Variants in HMCN1 observed in about 807,000 individuals in gnomAD.
HMCN1 encodes the protein hemicentin 1, also known as hemicentin-1.
A neutral mutation model predicts 625.9 loss-of-function variants in HMCN1; 321 were observed. The ratio of observed to expected loss-of-function variants is 0.51; its 90% CI spans 0.47 to 0.56. The LOEUF (loss-of-function observed/expected upper bound fraction) is 0.56. HMCN1 is among the 20% of genes least tolerant of loss of function. HMCN1 has a pLI of 0.00. For synonymous variants in HMCN1, 2,425 were observed against 2,417.6 expected, an observed-to-expected ratio of 1.00 and a Z score of -0.09; for missense variants, 6,588 against 6,887.3, an observed-to-expected ratio of 0.96 and a Z score of 1.54.
At position 186,133,488 on chromosome 1, in the gene HMCN1, C is replaced by T. The variant is rs117687035; in HGVS notation, c.13312+1079C>T. Among the ~76,000 whole-genome samples, 1,383 of 152,120 alleles carry T rather than the reference C, an allele frequency of 9.1e-3. 13 individuals are homozygous for T. Among genetic ancestry groups the T allele is most frequent in the South Asian group, 0.028 (135 of 4,820 alleles). ...ATAATTGGATAAACATAAAATAATC[C>T]AATGGCCCACTGGAGAGTTTACAGA... On this transcript the variant is annotated intron_variant, in intron 86 of 106. Transcript: ENST00000271588.
At chr1:186,024,329 C>T (rs1654919715) in intron 36 of HMCN1, among the ~76,000 whole-genome samples, 1 of 152,154 alleles carries the variant, frequency 6.6e-6, no homozygotes, top group African/African-American at 2.4e-5. Flanking sequence ...CTTCCTAGTG[C>T]TCTTTACAGC....
At position 186,154,090 on chromosome 1, in the gene HMCN1, G is replaced by A. The variant is rs1571428463; in HGVS notation, c.15256+103G>A. ...AGGCCTACATCTAACATGATATCAG[G>A]TTTTTCATGTGTGTTGTCTATGCCT... is the stretch of plus-strand genomic sequence containing the variant. On this transcript the variant is annotated intron_variant, in intron 97 of 106. Transcript: ENST00000271588. The A allele has an allele frequency of 4.2e-5, 39 of 932,032 alleles. 1 individual carries two copies. The South Asian group carries it at 5.0e-4, about 12-fold the overall frequency. 57.7% of individuals were successfully genotyped at this position (932,032 alleles called of 1,614,324 possible). A position where few individuals can be genotyped will look rare whatever the true frequency, so the allele number is the denominator to read the frequency against.
chr1:185,933,873 T>C, intron 11 of HMCN1, 49 bp downstream of exon 11: 4 of 1,571,530 alleles, frequency 2.5e-6, no homozygotes, highest in Non-Finnish European at 2.6e-6. Context: ...CTGTCCTCTA[T>C]TTTTAAAATT....
chr1:185,847,429 A>G (rs1429536917), intron 2 of HMCN1, among the ~76,000 whole-genome samples: 1 of 152,082 alleles, frequency 6.6e-6, no homozygotes, highest in Non-Finnish European at 1.5e-5. Flanking sequence ...CTTTTAACCT[A>G]TATCTCACCA....
At chr1:186,174,387 C>G (rs998884729) in intron 102 of HMCN1, 127 bp from the exon 103 acceptor site, 9 of 1,053,984 alleles carry the variant, frequency 8.5e-6, no homozygotes, top group Non-Finnish European at 1.3e-5. Flanking sequence ...AAGTTGTAAG[C>G]TGGTATGATC....
At position 186,016,360 on chromosome 1, in the gene HMCN1, A is replaced by G. The variant is rs186908070; in HGVS notation, c.5191+121A>G. On this transcript the variant is annotated intron_variant, in intron 32 of 106. Transcript: ENST00000271588. ...TAAAAGAAGGTATAGTCCTCTGTGC[A>G]ACTGTGGATTGCACATTACCAAGGG... 1.4e-3 allele frequency: 1,240 copies of G among 900,180 alleles called. 1 individual carries two copies. The highest frequency in any genetic ancestry group is 1.9e-3 in the Non-Finnish European group (1,122 of 586,338). 55.8% of individuals were successfully genotyped at this position (900,180 alleles called of 1,614,324 possible).
chr1:186,049,380 A>G (rs889659057), intron 42 of HMCN1, among the ~76,000 whole-genome samples: 5 of 151,856 alleles, frequency 3.3e-5, no homozygotes, highest in African/African-American at 1.2e-4. Flanking sequence ...AAGCATTCCC[A>G]TTTCCAGTAT....
At chr1:185,797,553 T>C (rs1658472431) in intron 1 of HMCN1, among the ~76,000 whole-genome samples, 1 of 152,346 alleles carries the variant, frequency 6.6e-6, no homozygotes, top group South Asian at 2.1e-4. Flanking sequence ...GCAGTTCTCC[T>C]ACCTTGGCCT....
intron 48 of HMCN1, among the ~76,000 whole-genome samples, chr1:186,063,098 A>ATATATC: frequency 8.0e-6 from 1 of 125,250 alleles, no homozygotes; most frequent in Admixed American, 8.2e-5. Flanking sequence ...ATATATATAT[A>ATATATC]TATATCACAT....
At chr1:185,918,289 C>A (rs559467596) in intron 6 of HMCN1, among the ~76,000 whole-genome samples, 38 of 152,252 alleles carry the variant, frequency 2.5e-4, no homozygotes, top group African/African-American at 8.9e-4. Context: ...AGTCCAAAGG[C>A]CGAAGAACCT....
chr1:185,932,005 C>A (rs1667575268), intron 10 of HMCN1, among the ~76,000 whole-genome samples: 1 of 152,140 alleles, frequency 6.6e-6, no homozygotes, highest in Non-Finnish European at 1.5e-5. Flanking sequence ...TTGAATATCA[C>A]ATATGTGTGA....
intron 1 of HMCN1, among the ~76,000 whole-genome samples, chr1:185,745,848 T>A (rs1176715274): frequency 6.6e-6 from 1 of 152,072 alleles, no homozygotes; most frequent in Non-Finnish European, 1.5e-5. Context: ...GCCATCGGAA[T>A]AAATGAGATC....
intron 31 of HMCN1, among the ~76,000 whole-genome samples, 180 bp from the exon 32 acceptor site, chr1:186,015,778 A>C (rs1654325514): frequency 6.6e-6 from 1 of 152,156 alleles, no homozygotes; most frequent in Admixed American, 6.6e-5. Flanking sequence ...TAATTAGGAC[A>C]GTTACAGTTT....
chr1:185,932,146 G>A (rs1251815664), intron 10 of HMCN1, among the ~76,000 whole-genome samples: 1 of 151,990 alleles, frequency 6.6e-6, no homozygotes, highest in Non-Finnish European at 1.5e-5. Context: ...TCCTTTACCT[G>A]TATTCTTTCC....
chr1:186,175,048 T>A (rs1652474954), intron 103 of HMCN1, among the ~76,000 whole-genome samples: 1 of 152,204 alleles, frequency 6.6e-6, no homozygotes, highest in Admixed American at 6.5e-5. Flanking sequence ...TGTGAGGTAT[T>A]AAAATAGGGA....
chr1:186,019,740 A>G (rs1654596934), intron 35 of HMCN1, 45 bp downstream of exon 35: 3 of 1,496,294 alleles, frequency 2.0e-6, no homozygotes, highest in East Asian at 2.3e-5. Context: ...AGCTACATAT[A>G]TCTTCCTGGA....
chr1:186,172,770 A>G (rs1344440111), intron 102 of HMCN1, among the ~76,000 whole-genome samples: 1 of 152,222 alleles, frequency 6.6e-6, no homozygotes, highest in African/African-American at 2.4e-5. Flanking sequence ...CAGGAGAAAG[A>G]AATAATTTAT....
At chr1:186,161,003 C>G (rs1027801495) in intron 97 of HMCN1, among the ~76,000 whole-genome samples, 15 of 152,078 alleles carry the variant, frequency 9.9e-5, no homozygotes, top group Admixed American at 7.2e-4. Context: ...GTTGATCTGT[C>G]TAATGTTTAC....
chr1:186,171,701 ATATG>A (rs1652243033), intron 101 of HMCN1, among the ~76,000 whole-genome samples: 2 of 152,148 alleles, frequency 1.3e-5, no homozygotes. Context: ...ACATATAAAT[ATATG>A]TATGTACATA....
Sources: gnomAD v4.1 joint callset for allele counts (sites outside exome capture counted in the v4.1 genomes callset) on GRCh38, gnomAD v4.1.1 for gene constraint, MANE v1.5 for transcripts, NCBI Gene and HGNC (gene_info 2026-07-23, HGNC 2026-07-21) for gene names.